Variants in DLGAP1 observed in about 807,000 individuals in gnomAD.
DLGAP1 encodes the protein DLG associated protein 1.
Under a neutral mutation model 90.8 loss-of-function variants are expected in DLGAP1, and 11 were observed. That is an observed-to-expected ratio of 0.12 (90% CI 0.08 to 0.20). DLGAP1 has a LOEUF of 0.20. DLGAP1 is among the 10% of genes least tolerant of loss of function. The pLI is 1.00. For missense variants in DLGAP1, 1,050 were observed against 1,333.8 expected, an observed-to-expected ratio of 0.79 and a Z score of 3.31; for synonymous variants, 558 against 540.7, an observed-to-expected ratio of 1.03 and a Z score of -0.44.
chr18:4,351,680 T>C lies in DLGAP1; in HGVS notation c.-267+103326A>G, dbSNP rs562237196. Among the ~76,000 whole-genome samples the C allele has an allele frequency of 2.6e-5, 4 of 152,326 alleles. No homozygotes were observed. The East Asian group carries it at 7.7e-4, about 29-fold the overall frequency. ...TCCAACATAGATAAATCTGAGTAGC[T>C]AGTCAGTTATCAGTTATCAAAGTAT... On this transcript the variant is annotated intron_variant, in intron 1 of 12. Coordinates refer to ENST00000315677, the MANE Select transcript of DLGAP1 (RefSeq NM_004746.4).
chr18:3,837,332 T>C (rs1347255303), intron 4 of DLGAP1, among the ~76,000 whole-genome samples: 4 of 152,220 alleles, frequency 2.6e-5, no homozygotes, highest in African/African-American at 4.8e-5. Flanking sequence ...ATATTAGGCA[T>C]ATGGCCCCCT....
chr18:3,652,163 C>CAAAAAAAAAAAA (rs756445206), intron 7 of DLGAP1, among the ~76,000 whole-genome samples: 14 of 93,398 alleles, frequency 1.5e-4, no homozygotes, highest in East Asian at 3.5e-4. Flanking sequence ...GACTCTGTAT[C>CAAAAAAAAAAAA]AAAAAAAAAA....
intron 2 of DLGAP1, among the ~76,000 whole-genome samples, chr18:4,147,571 TTCCATCCATCCA>T (rs140010625): frequency 0.11 from 16,623 of 147,824 alleles, 1,024 homozygotes; most frequent in East Asian, 0.28. Flanking sequence ...TCATCCATTC[TTCCATCCATCCA>T]TCCATCCATC....
chr18:4,394,192 G>A (rs948861251), intron 1 of DLGAP1, among the ~76,000 whole-genome samples: 2 of 152,118 alleles, frequency 1.3e-5, no homozygotes, highest in South Asian at 2.1e-4. Flanking sequence ...GAAAGCCACC[G>A]TCAGGATGAC....
Position 3,814,218 on chromosome 18 carries a change from G to A in DLGAP1, c.1013C>T (p.Pro338Leu). Residue 338 changes from proline to leucine, a missense_variant, in exon 5 of 13, where the codon CCA (proline) becomes CTA (leucine). Pro to Leu is a moderately conservative substitution (Grantham distance 98, BLOSUM62 -3). This residue lies in a region of DLGAP1 where 565 missense variants were observed against 879.7 expected (regional missense o/e 0.64). Coordinates refer to ENST00000315677, the MANE Select transcript of DLGAP1 (RefSeq NM_004746.4). ...YTPRGKDDEI[P>L]CRRMRSGSYI... ...ACTGCCACTCCGCATTCTTCGGCATGGAATTTCATCATCTTTACCTCGTGG... is the reference window on the plus strand; with the variant it reads ...ACTGCCACTCCGCATTCTTCGGCATAGAATTTCATCATCTTTACCTCGTGG... 6.2e-7 allele frequency: 1 copy of A among 1,614,018 alleles called. No homozygotes were observed.
intron 7 of DLGAP1, among the ~76,000 whole-genome samples, chr18:3,664,231 C>G (rs2059800869): frequency 1.3e-5 from 2 of 150,274 alleles, no homozygotes; most frequent in East Asian, 1.9e-4. Context: ...CACACACACA[C>G]ACACACGGAT....
At chr18:4,452,406 A>G (rs1165452826) in intron 1 of DLGAP1, among the ~76,000 whole-genome samples, 1 of 152,124 alleles carries the variant, frequency 6.6e-6, no homozygotes, top group Non-Finnish European at 1.5e-5. Context: ...ATATTAGTGA[A>G]TATTGCTCAT....
In DLGAP1 at chr18:4,454,816, T is replaced by C. The variant is rs1238372516; in HGVS notation, c.-267+190A>G. Among the ~76,000 whole-genome samples the C allele has an allele frequency of 1.4e-5, 2 of 146,232 alleles. No homozygotes were observed. The highest frequency in any genetic ancestry group is 3.0e-5 in the Non-Finnish European group (2 of 66,440). ...CCAGGTTACCCGGAGGGCCCGGGAG[T>C]GCACCCCGGGCGGCTGAAAGGGTAA... is the stretch of plus-strand genomic sequence containing the variant. On this transcript the variant is annotated intron_variant, in intron 1 of 12. Coordinates refer to ENST00000315677, the MANE Select transcript of DLGAP1 (RefSeq NM_004746.4). The surrounding 1 kb of genome is among the most constrained non-coding windows in gnomAD (Gnocchi z 4.7).
Position 3,499,498 on chromosome 18 carries a change from G to C in DLGAP1, c.2725-104C>G. 7.9e-7 allele frequency: 1 copy of C among 1,260,472 alleles called. No homozygotes were observed. Among genetic ancestry groups the C allele is most frequent in the Non-Finnish European group, 1.1e-6 (1 of 908,022 alleles). The allele number at this position is 1,260,472 out of a possible 1,614,324, so 78.1% of individuals were successfully genotyped here. On this transcript the variant is annotated intron_variant, in intron 12 of 12. Coordinates refer to ENST00000315677, the MANE Select transcript of DLGAP1 (RefSeq NM_004746.4). The surrounding 1 kb of genome is among the most constrained non-coding windows in gnomAD (Gnocchi z 6.4). ...AGAACACACAGTTTTTTACCTAGGG[G>C]TGGTTAGTTCTGATCTGCACACTGC...
chr18:4,170,925 T>C (rs1245684756), intron 1 of DLGAP1, among the ~76,000 whole-genome samples: 1 of 152,168 alleles, frequency 6.6e-6, no homozygotes. Flanking sequence ...GAACCACATA[T>C]GCATGTGTCT....
At chr18:4,367,556 G>C (rs1361203719) in intron 1 of DLGAP1, among the ~76,000 whole-genome samples, 3 of 152,138 alleles carry the variant, frequency 2.0e-5, no homozygotes, top group Non-Finnish European at 4.4e-5. Flanking sequence ...TGTAGGAATA[G>C]AGGGCACATT....
intron 1 of DLGAP1, among the ~76,000 whole-genome samples, chr18:4,299,639 TAA>T (rs895797976): frequency 6.6e-6 from 1 of 152,080 alleles, no homozygotes; most frequent in African/African-American, 2.4e-5. Flanking sequence ...GTGAAAAAAT[TAA>T]AAGTTATTAA....
At chr18:4,308,712 A>G (rs945179126) in intron 1 of DLGAP1, among the ~76,000 whole-genome samples, 1 of 152,228 alleles carries the variant, frequency 6.6e-6, no homozygotes, top group East Asian at 1.9e-4. Context: ...CTCAAGTAGG[A>G]AAGGGGAAGA....
intron 1 of DLGAP1, among the ~76,000 whole-genome samples, chr18:4,310,238 GT>G (rs890689254): frequency 6.6e-6 from 1 of 151,480 alleles, no homozygotes; most frequent in African/African-American, 2.4e-5. Context: ...TTGGGTGTGA[GT>G]TTTTTTTTAA....
intron 3 of DLGAP1, among the ~76,000 whole-genome samples, chr18:3,956,256 G>A (rs1476038634): frequency 2.0e-5 from 3 of 152,190 alleles, no homozygotes; most frequent in Non-Finnish European, 4.4e-5. Flanking sequence ...GAGAAGATCC[G>A]TTTTTAAATC....
intron 1 of DLGAP1, among the ~76,000 whole-genome samples, chr18:4,329,319 T>G (rs891389780): frequency 1.3e-5 from 2 of 151,942 alleles, no homozygotes; most frequent in Non-Finnish European, 2.9e-5. Context: ...ATTAACCATA[T>G]TCCTGAATTT....
intron 1 of DLGAP1, among the ~76,000 whole-genome samples, chr18:4,347,316 T>A (rs1421463850): frequency 6.6e-6 from 1 of 152,096 alleles, no homozygotes; most frequent in East Asian, 1.9e-4. Context: ...TGCAAAACGT[T>A]GGAAATGAAA....
At chr18:4,254,634 G>C (rs1048030265) in intron 1 of DLGAP1, among the ~76,000 whole-genome samples, 10 of 152,058 alleles carry the variant, frequency 6.6e-5, no homozygotes, top group African/African-American at 2.4e-4. Context: ...CAGACATTGA[G>C]ACCAAATTCT....
At chr18:4,188,506 C>T (rs901303310) in intron 1 of DLGAP1, among the ~76,000 whole-genome samples, 1 of 152,062 alleles carries the variant, frequency 6.6e-6, no homozygotes, top group Non-Finnish European at 1.5e-5. Context: ...TGTTGTTTCC[C>T]TCTCTGTGTC....
Sources: allele counts gnomAD v4.1 joint callset (sites outside exome capture counted in the v4.1 genomes callset), GRCh38; gene constraint gnomAD v4.1.1; regional missense constraint gnomAD v4.1.1; non-coding constraint Gnocchi (gnomAD v3.1); transcripts MANE v1.5; gene names NCBI Gene and HGNC (gene_info 2026-07-23, HGNC 2026-07-21).